The following SLC35F4 variants were observed in gnomAD, a reference collection of about 807,000 sequenced individuals.
SLC35F4 encodes the protein solute carrier family 35 member F4, also known as chromosome 14 open reading frame 36.
SLC35F4 carries 24 observed loss-of-function variants against 44.2 expected under a neutral mutation model. That is an observed-to-expected ratio of 0.54 (90% confidence interval 0.39 to 0.76). The LOEUF (loss-of-function observed/expected upper bound fraction) is 0.76. Ranked by LOEUF, SLC35F4 falls within the 30% of genes least tolerant of loss-of-function variation. The pLI is 0.00. For missense variants in SLC35F4, 562 were observed against 586.1 expected, an observed-to-expected ratio of 0.96 and a Z score of 0.42; for synonymous variants, 238 against 223.6, an observed-to-expected ratio of 1.06 and a Z score of -0.57.
chr14:57,891,313 A>G (rs1049361362), intron 1 of SLC35F4, among the ~76,000 whole-genome samples: 1 of 152,130 alleles, frequency 6.6e-6, no homozygotes, highest in African/African-American at 2.4e-5. Flanking sequence ...TGCAGTTACA[A>G]CACTGCAGAA....
chr14:57,843,791 T>C (rs936088586), intron 1 of SLC35F4, among the ~76,000 whole-genome samples: 1 of 152,218 alleles, frequency 6.6e-6, no homozygotes, highest in African/African-American at 2.4e-5. Context: ...TCCTGTAGCA[T>C]ACTCAAAATC....
At chr14:57,937,203 G>A (rs1889813369) in intron 1 of SLC35F4, among the ~76,000 whole-genome samples, 1 of 152,036 alleles carries the variant, frequency 6.6e-6, no homozygotes, top group African/African-American at 2.4e-5. Context: ...GAGTAGCTGG[G>A]ATTACAGGCA....
chr14:57,865,738 A>G lies in SLC35F4; in HGVS notation c.88T>C (p.Tyr30His). Residue 30 changes from tyrosine to histidine, a missense_variant, in exon 1 of 8, where the codon TAC becomes CAC. By Grantham distance (83) the Tyr-to-His change is moderately conservative. Coordinates refer to ENST00000556826, the MANE Select transcript of SLC35F4 (RefSeq NM_001306087.2). The part of the protein sequence containing the change: ...ITGYYGYYPG[Y>H]SSQKSTSRSS... ...GGCGTCTTACTTTTCTGGCTGGAGT[A>G]ACCTGGATAATAGCCATAGTAGCCG... The G allele has an allele frequency of 6.6e-7, 1 of 1,522,340 alleles. No homozygotes were observed. The highest frequency in any genetic ancestry group is 1.2e-5 in the South Asian group (1 of 81,832). The allele number at this position is 1,522,340 out of a possible 1,614,324, so 94.3% of individuals were successfully genotyped here.
chr14:57,814,250 T>C (rs896228393), intron 1 of SLC35F4, among the ~76,000 whole-genome samples: 2 of 152,242 alleles, frequency 1.3e-5, no homozygotes, highest in African/African-American at 4.8e-5. Flanking sequence ...TTAAACATAT[T>C]TAATAAAGAT....
At chr14:57,845,192 T>G (rs1885899912) in intron 1 of SLC35F4, among the ~76,000 whole-genome samples, 1 of 152,148 alleles carries the variant, frequency 6.6e-6, no homozygotes, top group African/African-American at 2.4e-5. Flanking sequence ...GATCTGAAAT[T>G]TTATAATTTT....
chr14:57,587,451 A>G (rs2069834540), intron 3 of SLC35F4, among the ~76,000 whole-genome samples: 1 of 152,230 alleles, frequency 6.6e-6, no homozygotes, highest in Admixed American at 6.5e-5. Context: ...CCATAAAAAA[A>G]GATGAGTTCG....
intron 1 of SLC35F4, among the ~76,000 whole-genome samples, chr14:57,930,446 C>T (rs181878102): frequency 7.8e-4 from 119 of 152,264 alleles, no homozygotes; most frequent in African/African-American, 2.8e-3. Flanking sequence ...ACTCTGACCA[C>T]CACCACGTGG....
chr14:57,709,427 G>A (rs1014464105), intron 1 of SLC35F4, among the ~76,000 whole-genome samples: 8 of 151,966 alleles, frequency 5.3e-5, no homozygotes, highest in African/African-American at 1.7e-4. Context: ...TGATTATAGA[G>A]CGAGGATTAT....
intron 1 of SLC35F4, among the ~76,000 whole-genome samples, chr14:57,969,193 C>T (rs1161098588): frequency 6.6e-6 from 1 of 152,184 alleles, no homozygotes; most frequent in Non-Finnish European, 1.5e-5. Flanking sequence ...TCAAACATAT[C>T]ATTCATATTA....
chr14:57,662,963 C>T (rs560242627), intron 1 of SLC35F4, among the ~76,000 whole-genome samples: 2 of 152,306 alleles, frequency 1.3e-5, no homozygotes, highest in African/African-American at 4.8e-5. Flanking sequence ...CTACTAAAGC[C>T]ACAACTCCCA....
intron 1 of SLC35F4, among the ~76,000 whole-genome samples, chr14:57,694,984 T>C (rs2075339825): frequency 6.6e-6 from 1 of 152,180 alleles, no homozygotes; most frequent in African/African-American, 2.4e-5. Flanking sequence ...GGATTATTTA[T>C]ACATCCCTTC....
At chr14:57,843,905 T>A (rs997098920) in intron 1 of SLC35F4, among the ~76,000 whole-genome samples, 1 of 152,096 alleles carries the variant, frequency 6.6e-6, no homozygotes, top group Non-Finnish European at 1.5e-5. Flanking sequence ...GAATCAAAAA[T>A]ATATATAGAG....
At chr14:57,755,848 G>C (rs1261400799) in intron 1 of SLC35F4, among the ~76,000 whole-genome samples, 1 of 152,278 alleles carries the variant, frequency 6.6e-6, no homozygotes, top group African/African-American at 2.4e-5. Flanking sequence ...GCTACATGAC[G>C]TGTCTAAGGC....
intron 1 of SLC35F4, among the ~76,000 whole-genome samples, chr14:57,611,355 G>T (rs186128481): frequency 6.6e-6 from 1 of 152,168 alleles, no homozygotes; most frequent in Non-Finnish European, 1.5e-5. Context: ...GTCATATGAA[G>T]TTGGGTGTAT....
At chr14:57,692,298 T>C (rs2075257981) in intron 1 of SLC35F4, among the ~76,000 whole-genome samples, 1 of 152,206 alleles carries the variant, frequency 6.6e-6, no homozygotes, top group African/African-American at 2.4e-5. Flanking sequence ...AGCCCTTTGT[T>C]GGTCTCAATG....
intron 1 of SLC35F4, among the ~76,000 whole-genome samples, chr14:57,644,975 T>C (rs1283569117): frequency 6.6e-6 from 1 of 152,204 alleles, no homozygotes; most frequent in African/African-American, 2.4e-5. Context: ...GTTCCATTGG[T>C]CTATATCTCT....
chr14:57,601,988 A>G (rs1393853130), intron 1 of SLC35F4, among the ~76,000 whole-genome samples: 3 of 152,158 alleles, frequency 2.0e-5, no homozygotes, highest in Non-Finnish European at 4.4e-5. Flanking sequence ...CTGCTTTTCC[A>G]TCTCAGCTAA....
At chr14:57,617,917 A>C (rs929572433) in intron 1 of SLC35F4, among the ~76,000 whole-genome samples, 6 of 152,236 alleles carry the variant, frequency 3.9e-5, no homozygotes, top group Non-Finnish European at 7.3e-5. Flanking sequence ...CAAAGAAAAT[A>C]AACTCTGACC....
chr14:57,923,305 G>T (rs1236916881), intron 1 of SLC35F4, among the ~76,000 whole-genome samples: 1 of 152,186 alleles, frequency 6.6e-6, no homozygotes, highest in South Asian at 2.1e-4. Flanking sequence ...AGTTTCAAAA[G>T]TTCAGCCTAA....
Sources: gnomAD v4.1 joint callset for allele counts (sites outside exome capture counted in the v4.1 genomes callset) on GRCh38, gnomAD v4.1.1 for gene constraint, MANE v1.5 for transcripts, NCBI Gene and HGNC (gene_info 2026-07-23, HGNC 2026-07-21) for gene names.